The following ZFPM2 variants were observed in gnomAD, a reference collection of about 807,000 sequenced individuals.
The protein encoded by ZFPM2 is zinc finger protein, FOG family member 2, also known as zinc finger protein ZFPM2.
A neutral mutation model predicts 98.6 loss-of-function variants in ZFPM2; 20 were observed. That is an observed-to-expected ratio of 0.20 (90% CI 0.14 to 0.29). The LOEUF is 0.29. Ranked by LOEUF, ZFPM2 falls within the 10% of genes least tolerant of loss-of-function variation. ZFPM2 has a pLI of 1.00. For synonymous variants in ZFPM2, 518 were observed against 502.7 expected (o/e 1.03, Z -0.41); for missense variants, 1,310 against 1,388.6 (o/e 0.94, Z 0.90).
At chr8:105,350,249 G>A (rs576108819) in intron 1 of ZFPM2, among the ~76,000 whole-genome samples, 1 of 152,282 alleles carries the variant, frequency 6.6e-6, no homozygotes, top group Admixed American at 6.5e-5. Context: ...GAGGCTAAAG[G>A]CAGCCACCTT....
At chr8:105,646,793 C>T (rs1207680907) in intron 5 of ZFPM2, among the ~76,000 whole-genome samples, 11 of 151,974 alleles carry the variant, frequency 7.2e-5, no homozygotes, top group Non-Finnish European at 1.5e-4. Flanking sequence ...CCTGGTGGTG[C>T]GTTGGGGAAG....
chr8:105,453,489 C>T (rs1312413831), intron 3 of ZFPM2, among the ~76,000 whole-genome samples: 1 of 152,034 alleles, frequency 6.6e-6, no homozygotes, highest in African/African-American at 2.4e-5. Flanking sequence ...CTTTAATATG[C>T]AAAGTTTTAA....
chr8:105,473,452 TC>T (rs1348370204), intron 3 of ZFPM2, among the ~76,000 whole-genome samples: 2 of 152,354 alleles, frequency 1.3e-5, no homozygotes, highest in African/African-American at 4.8e-5. Context: ...GCTGACTACC[TC>T]TTTATTTACA....
chr8:105,373,393 TTCTC>T (rs922745069), intron 1 of ZFPM2, among the ~76,000 whole-genome samples: 4 of 152,208 alleles, frequency 2.6e-5, no homozygotes, highest in African/African-American at 9.6e-5. Flanking sequence ...TTATTTTTCT[TTCTC>T]TCTATTAAAC....
chr8:105,628,010 G>T (rs1816690166), intron 4 of ZFPM2, among the ~76,000 whole-genome samples: 1 of 152,158 alleles, frequency 6.6e-6, no homozygotes, highest in Non-Finnish European at 1.5e-5. Context: ...TTCAGTAAAT[G>T]CTTTTTTGTG....
intron 1 of ZFPM2, among the ~76,000 whole-genome samples, chr8:105,389,506 G>A (rs1490000972): frequency 5.9e-5 from 9 of 152,006 alleles, no homozygotes; most frequent in Non-Finnish European, 1.3e-4. Flanking sequence ...ACCAATTAAG[G>A]GTAGATCCAA....
chr8:105,345,925 A>T (rs1381626167), intron 1 of ZFPM2, among the ~76,000 whole-genome samples: 1 of 152,138 alleles, frequency 6.6e-6, no homozygotes, highest in Admixed American at 6.5e-5. Flanking sequence ...AATGTTTCTA[A>T]ATATTATTTT....
chr8:105,639,706 T>C (rs1201204506), intron 5 of ZFPM2, among the ~76,000 whole-genome samples: 14 of 152,040 alleles, frequency 9.2e-5, no homozygotes, highest in Admixed American at 9.2e-4. Context: ...CAAGCAGTCC[T>C]TGTGGTCATA....
intron 1 of ZFPM2, among the ~76,000 whole-genome samples, chr8:105,415,335 A>G (rs1362199428): frequency 1.3e-5 from 2 of 152,068 alleles, no homozygotes; most frequent in South Asian, 2.1e-4. Context: ...ATTTATAAAC[A>G]TTGAGACGAT....
At chr8:105,404,274 TG>T (rs530917678) in intron 1 of ZFPM2, among the ~76,000 whole-genome samples, 16 of 152,100 alleles carry the variant, frequency 1.1e-4, no homozygotes, top group Non-Finnish European at 1.2e-4. Context: ...TGGAACATAT[TG>T]GAAGTGTACC....
chr8:105,505,660 T>C (rs1009637101), intron 3 of ZFPM2, among the ~76,000 whole-genome samples: 2 of 152,150 alleles, frequency 1.3e-5, no homozygotes, highest in African/African-American at 2.4e-5. Context: ...TAAGAAAGAT[T>C]CAAGTATTCT....
rs56113104 is a variant in ZFPM2 at position 105,739,815 on chromosome 8, G to T, written c.533-48903G>T. On this transcript the variant is annotated intron_variant, in intron 5 of 7. Coordinates refer to ENST00000407775, the MANE Select transcript of ZFPM2 (RefSeq NM_012082.4). ...AGTATTTCAAAAATGGTAGGGTAGA[G>T]GTTGGTGAACAAAAAGTAGACAATT... 3.6e-3 allele frequency among the ~76,000 whole-genome samples: 552 copies of T among 151,998 alleles called. 4 individuals carry two copies. Among genetic ancestry groups the T allele is most frequent in the African/African-American group, 0.012 (513 of 41,496 alleles).
intron 6 of ZFPM2, among the ~76,000 whole-genome samples, chr8:105,796,234 CA>C (rs926869768): frequency 2.2e-5 from 3 of 137,998 alleles, no homozygotes; most frequent in African/African-American, 9.3e-5. Context: ...GAATTTGAGG[CA>C]AAAGAATTTT....
chr8:105,411,639 A>G (rs1355695025), intron 1 of ZFPM2, among the ~76,000 whole-genome samples: 2 of 151,916 alleles, frequency 1.3e-5, no homozygotes, highest in Non-Finnish European at 2.9e-5. Context: ...TCATTTCAGT[A>G]ATGAATATAC....
intron 4 of ZFPM2, among the ~76,000 whole-genome samples, chr8:105,632,073 G>A (rs1309399617): frequency 6.6e-6 from 1 of 152,124 alleles, no homozygotes; most frequent in East Asian, 1.9e-4. Flanking sequence ...CCCTGCATAG[G>A]CTTCCTGAAA....
At chr8:105,769,399 G>C (rs1812932833) in intron 5 of ZFPM2, among the ~76,000 whole-genome samples, 2 of 151,930 alleles carry the variant, frequency 1.3e-5, no homozygotes, top group Admixed American at 1.3e-4. Flanking sequence ...GGACATTTCT[G>C]GGCCATGGCC....
chr8:105,466,382 C>G lies in ZFPM2; in HGVS notation c.301+22001C>G, dbSNP rs1455676254. ...AAACAGTTTAAAACAACAAAACTTACTATAAATTAATTTCTGTAAGCTACC... is the reference window on the plus strand; with the variant it reads ...AAACAGTTTAAAACAACAAAACTTAGTATAAATTAATTTCTGTAAGCTACC... On this transcript the variant is annotated intron_variant, in intron 3 of 7. Coordinates refer to ENST00000407775, the MANE Select transcript of ZFPM2 (RefSeq NM_012082.4). Among the ~76,000 whole-genome samples the G allele has an allele frequency of 2.6e-5, 4 of 152,090 alleles. No homozygotes were observed. The East Asian group carries it at 7.7e-4, about 29-fold the overall frequency.
At chr8:105,421,428 A>G (rs1451485556) in intron 2 of ZFPM2, among the ~76,000 whole-genome samples, 1 of 152,126 alleles carries the variant, frequency 6.6e-6, no homozygotes, top group African/African-American at 2.4e-5. Context: ...TTTTCACATG[A>G]TATTTTTCAG....
rs3049323 is a variant in ZFPM2, at chr8:105,580,827, CTATA to C, written c.420+19361_420+19364del. 1.8e-3 allele frequency among the ~76,000 whole-genome samples: 235 copies of C among 131,464 alleles called. 2 individuals are homozygous for C. In the Middle Eastern group the frequency reaches 0.024, roughly 14 times the overall value. 86.2% of individuals were successfully genotyped at this position (131,464 alleles called of 152,430 possible). On this transcript the variant is annotated intron_variant, in intron 4 of 7. Transcript: ENST00000407775. ...TCTCTCTCTCTCTCTCTCTCTCTCT[CTATA>C]TATATATATATATAAATCACTGAGA...
Sources: allele counts gnomAD v4.1 joint callset (sites outside exome capture counted in the v4.1 genomes callset), GRCh38; gene constraint gnomAD v4.1.1; transcripts MANE v1.5; gene names NCBI Gene and HGNC (gene_info 2026-07-23, HGNC 2026-07-21).